CDKAL1: variants seen among roughly 807,000 people sequenced by gnomAD.
CDKAL1 encodes the protein threonylcarbamoyladenosine tRNA methylthiotransferase.
CDKAL1 carries 32 observed loss-of-function variants against 68.2 expected under a neutral mutation model. The ratio of observed to expected loss-of-function variants is 0.47; its 90% CI spans 0.35 to 0.63. CDKAL1 has a LOEUF of 0.63. CDKAL1 is among the 30% of genes least tolerant of loss of function. The pLI is 0.00. For synonymous variants in CDKAL1, 234 were observed against 244.3 expected (o/e 0.96, Z 0.39); for missense variants, 606 against 696.7 (o/e 0.87, Z 1.47).
intron 5 of CDKAL1, among the ~76,000 whole-genome samples, chr6:20,653,034 CT>C (rs1269959640): frequency 1.3e-5 from 2 of 152,144 alleles, no homozygotes; most frequent in Non-Finnish European, 2.9e-5. Flanking sequence ...AGATTTACAT[CT>C]TTTTCTCAGC....
chr6:20,770,996 T>C (rs142742051), intron 7 of CDKAL1, among the ~76,000 whole-genome samples: 7 of 152,308 alleles, frequency 4.6e-5, no homozygotes, highest in Admixed American at 1.3e-4. Context: ...AGATCATCTC[T>C]GACACATCCT....
At chr6:20,958,873 T>A (rs1207127114) in intron 10 of CDKAL1, among the ~76,000 whole-genome samples, 1 of 152,154 alleles carries the variant, frequency 6.6e-6, no homozygotes, top group Non-Finnish European at 1.5e-5. Flanking sequence ...TCAGATTTTT[T>A]AAAAACAACT....
intron 5 of CDKAL1, among the ~76,000 whole-genome samples, chr6:20,734,085 G>C (rs936529074): frequency 6.6e-6 from 1 of 151,122 alleles, no homozygotes; most frequent in African/African-American, 2.4e-5. Context: ...GGAGATAGAG[G>C]TTGCAGGGAG....
In CDKAL1 at chr6:21,230,997, G is replaced by T. The variant is rs34158326; in HGVS notation, c.1698G>T (p.Leu566=). The change falls in exon 16 of 16, where the codon CTG becomes CTT. Residue 566 remains leucine, a synonymous_variant. Coordinates refer to ENST00000274695, the MANE Select transcript of CDKAL1 (RefSeq NM_017774.3). ...CALRMSVGLA[L]LGLLFAFFVK... Reference sequence around the variant, plus strand: ...TGAGGATGTCCGTGGGCTTGGCTCTGCTGGGTCTTCTTTTTGCTTTTTTTG... The same window carrying T: ...TGAGGATGTCCGTGGGCTTGGCTCTTCTGGGTCTTCTTTTTGCTTTTTTTG... The T allele has an allele frequency of 3.3e-5, 53 of 1,610,610 alleles. No homozygotes were observed. In the African/African-American group the frequency reaches 4.3e-4, roughly 13 times the overall value.
intron 4 of CDKAL1, among the ~76,000 whole-genome samples, chr6:20,631,256 A>G (rs952632180): frequency 2.0e-5 from 3 of 152,088 alleles, no homozygotes; most frequent in Admixed American, 1.3e-4. Context: ...GTTTTCTGTC[A>G]TCTTTGGTGA....
intron 4 of CDKAL1, among the ~76,000 whole-genome samples, chr6:20,569,900 C>T (rs1326014999): frequency 6.6e-6 from 1 of 151,932 alleles, no homozygotes; most frequent in Non-Finnish European, 1.5e-5. Context: ...AAGTTTTAAC[C>T]TTTCATCTCA....
intron 8 of CDKAL1, among the ~76,000 whole-genome samples, chr6:20,784,412 CTT>C (rs1175015329): frequency 1.8e-3 from 59 of 33,464 alleles, no homozygotes; most frequent in South Asian, 0.012. Context: ...TATTTTATTT[CTT>C]TTTTTTTTTT....
chr6:21,058,137 G>A (rs1426115164), intron 11 of CDKAL1, among the ~76,000 whole-genome samples: 3 of 152,160 alleles, frequency 2.0e-5, no homozygotes, highest in Non-Finnish European at 4.4e-5. Flanking sequence ...CTATTATTGG[G>A]TGGGAGTCTA....
At chr6:20,650,759 G>A (rs7767133) in intron 5 of CDKAL1, among the ~76,000 whole-genome samples, 128,816 of 152,074 alleles carry the variant, frequency 0.85, 54,987 homozygotes, top group African/African-American at 0.96. Flanking sequence ...TCCAGTTTCA[G>A]TTTTCTGCAC....
At chr6:21,109,670 A>G (rs774750984) in intron 13 of CDKAL1, among the ~76,000 whole-genome samples, 25 of 152,266 alleles carry the variant, frequency 1.6e-4, no homozygotes, top group Non-Finnish European at 2.1e-4. Context: ...ATAGGGTCTG[A>G]CAATGCAGAC....
At chr6:20,876,236 G>C (rs1760507502) in intron 9 of CDKAL1, among the ~76,000 whole-genome samples, 1 of 152,232 alleles carries the variant, frequency 6.6e-6, no homozygotes, top group Non-Finnish European at 1.5e-5. Flanking sequence ...AACTGGCAGA[G>C]CTGGACTGGG....
At chr6:20,735,680 A>G (rs1773159210) in intron 5 of CDKAL1, among the ~76,000 whole-genome samples, 1 of 152,220 alleles carries the variant, frequency 6.6e-6, no homozygotes. Context: ...CCCTTAAAAT[A>G]AGCTTTCGCC....
At chr6:21,002,313 G>C (rs987196721) in intron 11 of CDKAL1, among the ~76,000 whole-genome samples, 2 of 152,012 alleles carry the variant, frequency 1.3e-5, no homozygotes, top group African/African-American at 4.8e-5. Flanking sequence ...TGTTTCCCAG[G>C]GATCTCTAGT....
intron 4 of CDKAL1, among the ~76,000 whole-genome samples, chr6:20,563,153 G>T (rs923807522): frequency 1.3e-5 from 2 of 152,174 alleles, no homozygotes; most frequent in African/African-American, 4.8e-5. Flanking sequence ...ACTAATGATT[G>T]CAGTTTGAGT....
At chr6:20,552,747 T>C (rs897522397) in intron 4 of CDKAL1, among the ~76,000 whole-genome samples, 5 of 152,072 alleles carry the variant, frequency 3.3e-5, no homozygotes, top group African/African-American at 9.7e-5. Context: ...CAGCCTGGCT[T>C]GCATGCAGCA....
At chr6:21,187,808 C>T (rs1183025644) in intron 13 of CDKAL1, among the ~76,000 whole-genome samples, 1 of 152,110 alleles carries the variant, frequency 6.6e-6, no homozygotes, top group African/African-American at 2.4e-5. Flanking sequence ...AAAACTTCTA[C>T]AAGCACCTTC....
intron 12 of CDKAL1, among the ~76,000 whole-genome samples, chr6:21,103,018 T>G (rs183778479): frequency 2.0e-5 from 3 of 152,360 alleles, no homozygotes; most frequent in African/African-American, 7.2e-5. Flanking sequence ...TATTGTAGTA[T>G]ACCTTAAACA....
intron 2 of CDKAL1, among the ~76,000 whole-genome samples, chr6:20,544,967 G>T (rs551954731): frequency 1.0e-3 from 32 of 31,006 alleles, no homozygotes; most frequent in African/African-American, 2.2e-3. Context: ...TTACAGTTTT[G>T]TGTGTGTGTG....
chr6:20,560,440 C>A (rs1411101055), intron 4 of CDKAL1, among the ~76,000 whole-genome samples: 1 of 152,162 alleles, frequency 6.6e-6, no homozygotes, highest in African/African-American at 2.4e-5. Context: ...GTTGCCCTGA[C>A]TGTGCTTGTC....
Sources: allele counts gnomAD v4.1 joint callset (sites outside exome capture counted in the v4.1 genomes callset), GRCh38; gene constraint gnomAD v4.1.1; transcripts MANE v1.5; gene names NCBI Gene and HGNC (gene_info 2026-07-23, HGNC 2026-07-21).